The following FAT3 variants were observed in gnomAD, a reference collection of about 807,000 sequenced individuals.
FAT3 encodes the protein FAT atypical cadherin 3, also known as protocadherin Fat 3.
FAT3 carries 95 observed loss-of-function variants against 310.2 expected under a neutral mutation model. The ratio of observed to expected loss-of-function variants is 0.31; its 90% CI spans 0.26 to 0.36. FAT3 has a LOEUF of 0.36. Among genes scored for constraint, FAT3 ranks in the 10% least tolerant of loss-of-function variants. The pLI is 1.00. For missense variants in FAT3, 5,408 were observed against 5,715.6 expected (o/e 0.95, Z 1.74); for synonymous variants, 2,314 against 2,192.9 (o/e 1.06, Z -1.54).
chr11:92,756,076 A>G (rs556588592), intron 4 of FAT3, among the ~76,000 whole-genome samples: 10 of 152,348 alleles, frequency 6.6e-5, no homozygotes, highest in African/African-American at 2.4e-4. Flanking sequence ...TGTGATAACC[A>G]CGTAAGTGAA....
chr11:92,739,338 G>A (rs1945440808), intron 4 of FAT3, among the ~76,000 whole-genome samples: 1 of 140,794 alleles, frequency 7.1e-6, no homozygotes, highest in African/African-American at 2.9e-5. Flanking sequence ...CTGTGAGCCT[G>A]CATGTTATGG....
At chr11:92,397,227 C>T (rs899521631) in intron 2 of FAT3, among the ~76,000 whole-genome samples, 9 of 151,934 alleles carry the variant, frequency 5.9e-5, no homozygotes, top group South Asian at 4.2e-4. Flanking sequence ...AAATTAACTG[C>T]GATTTTTGGG....
At chr11:92,613,703 G>C (rs1480817398) in intron 3 of FAT3, among the ~76,000 whole-genome samples, 1 of 152,270 alleles carries the variant, frequency 6.6e-6, no homozygotes, top group African/African-American at 2.4e-5. Context: ...TCAGGCAACT[G>C]TACTGGGAAG....
At position 92,355,173 on chromosome 11, in the gene FAT3, C is replaced by T. The variant is rs779693833; in HGVS notation, c.3061C>T (p.Leu1021=). Residue 1021 remains leucine, a synonymous_variant, in exon 2 of 28, where the codon CTG becomes TTG. Transcript: ENST00000525166. ...RAKDKGRPVS[L]SSVSFVEVEV... ...CAAAGACAAAGGGCGGCCTGTCTCT[C>T]TGTCATCTGTTTCCTTTGTTGAGGT... The T allele has an allele frequency of 8.1e-6, 13 of 1,613,726 alleles. No homozygotes were observed. Among genetic ancestry groups the T allele is most frequent in the Non-Finnish European group, 1.0e-5 (12 of 1,179,862 alleles).
At chr11:92,363,911 T>C (rs1948946482) in intron 2 of FAT3, among the ~76,000 whole-genome samples, 1 of 152,210 alleles carries the variant, frequency 6.6e-6, no homozygotes, top group African/African-American at 2.4e-5. Context: ...GAGAAAGGAT[T>C]AGAAGCTTCT....
At chr11:92,647,931 T>C (rs1253731152) in intron 3 of FAT3, among the ~76,000 whole-genome samples, 1 of 152,126 alleles carries the variant, frequency 6.6e-6, no homozygotes. Flanking sequence ...TGTATGTTCA[T>C]CCAGTGAAAA....
At position 92,354,387 on chromosome 11, in the gene FAT3, G is replaced by A. The variant is rs1565251603; in HGVS notation, c.2275G>A (p.Gly759Arg). Residue 759 changes from glycine (G) to arginine (R), a missense_variant, in exon 2 of 28, where the codon GGA (glycine) becomes AGA (arginine). Physicochemically the swap from Gly to Arg is moderately radical, Grantham distance 125. Coordinates refer to ENST00000525166, the MANE Select transcript of FAT3 (RefSeq NM_001367949.2). ...KAYDADSGFNGKVLFTISDGN... is the reference protein window; with the variant it reads ...KAYDADSGFNRKVLFTISDGN... ...CTATGATGCCGACTCTGGCTTCAATGGAAAAGTGCTATTTACAATATCAGA... is the reference window on the plus strand; with the variant it reads ...CTATGATGCCGACTCTGGCTTCAATAGAAAAGTGCTATTTACAATATCAGA... 3 of 1,613,848 alleles carry A rather than the reference G, an allele frequency of 1.9e-6. No homozygotes were observed. The highest frequency in any genetic ancestry group is 2.5e-6 in the Non-Finnish European group (3 of 1,179,862).
intron 3 of FAT3, among the ~76,000 whole-genome samples, chr11:92,632,886 A>G (rs1941605359): frequency 1.3e-5 from 2 of 152,198 alleles, no homozygotes; most frequent in Non-Finnish European, 2.9e-5. Flanking sequence ...TTGGAGAAAC[A>G]CATCTTAGAG....
intron 2 of FAT3, among the ~76,000 whole-genome samples, chr11:92,433,206 G>A (rs912181215): frequency 3.3e-5 from 5 of 152,108 alleles, no homozygotes; most frequent in African/African-American, 1.2e-4. Flanking sequence ...AGACCACTTG[G>A]CTCCCTGGCT....
chr11:92,692,704 C>T (rs766881461), intron 3 of FAT3, among the ~76,000 whole-genome samples: 1 of 152,164 alleles, frequency 6.6e-6, no homozygotes, highest in Non-Finnish European at 1.5e-5. Flanking sequence ...TAGCTGGGTA[C>T]AGACATGAAG....
intron 1 of FAT3, among the ~76,000 whole-genome samples, chr11:92,287,933 A>G (rs1488168401): frequency 6.6e-6 from 1 of 152,152 alleles, no homozygotes; most frequent in Non-Finnish European, 1.5e-5. Context: ...TTTTGCAGGC[A>G]CAGAAAAACT....
At chr11:92,259,187 T>A (rs559287935) in intron 1 of FAT3, among the ~76,000 whole-genome samples, 1 of 152,176 alleles carries the variant, frequency 6.6e-6, no homozygotes, top group East Asian at 1.9e-4. Context: ...TTTATTTCAA[T>A]TATTTAAGAG....
At chr11:92,774,294 A>G (rs1337569096) in intron 7 of FAT3, 114 bp downstream of exon 7, 3 of 1,168,384 alleles carry the variant, frequency 2.6e-6, no homozygotes, top group Admixed American at 3.2e-5. Flanking sequence ...ACGGTTTTCT[A>G]GTGTTTAAAA....
chr11:92,350,192 G>A (rs1401419788), intron 1 of FAT3, among the ~76,000 whole-genome samples: 8 of 152,002 alleles, frequency 5.3e-5, no homozygotes, highest in South Asian at 2.1e-4. Flanking sequence ...AAAAAGTTAA[G>A]TCTATTTAGA....
intron 22 of FAT3, among the ~76,000 whole-genome samples, chr11:92,875,517 G>T (rs1285517089): frequency 2.0e-5 from 3 of 151,212 alleles, no homozygotes; most frequent in African/African-American, 7.3e-5. Flanking sequence ...TTCTGTCTTT[G>T]TATCCCCAGT....
chr11:92,582,868 C>A (rs1367375203), intron 3 of FAT3, among the ~76,000 whole-genome samples: 1 of 152,154 alleles, frequency 6.6e-6, no homozygotes, highest in African/African-American at 2.4e-5. Context: ...AGGGATGGAA[C>A]TCTTTTGAGC....
At chr11:92,542,962 G>A (rs1302990569) in intron 3 of FAT3, among the ~76,000 whole-genome samples, 1 of 151,988 alleles carries the variant, frequency 6.6e-6, no homozygotes, top group Admixed American at 6.6e-5. Context: ...AAGAAAATGT[G>A]GTGTGTATAC....
intron 1 of FAT3, among the ~76,000 whole-genome samples, chr11:92,270,840 C>G (rs2134334992): frequency 6.6e-6 from 1 of 152,028 alleles, no homozygotes; most frequent in South Asian, 2.1e-4. Flanking sequence ...CCACTTTTAC[C>G]CCAGTCTTTC....
chr11:92,306,574 T>C (rs1245301478), intron 1 of FAT3, among the ~76,000 whole-genome samples: 4 of 126,124 alleles, frequency 3.2e-5, no homozygotes, highest in Non-Finnish European at 6.3e-5. Flanking sequence ...ATATTATATA[T>C]TATATATATT....
Sources: allele counts gnomAD v4.1 joint callset (sites outside exome capture counted in the v4.1 genomes callset), GRCh38; gene constraint gnomAD v4.1.1; transcripts MANE v1.5; gene names NCBI Gene and HGNC (gene_info 2026-07-23, HGNC 2026-07-21).